Variants in SLC1A3 observed in about 807,000 individuals in gnomAD.
The protein encoded by SLC1A3 is excitatory amino acid transporter 1.
Under a neutral mutation model 48.1 loss-of-function variants are expected in SLC1A3, and 21 were observed. The observed-to-expected ratio is 0.44, with a 90% CI of 0.31 to 0.63. The LOEUF (loss-of-function observed/expected upper bound fraction) is 0.63, where lower values mean the gene tolerates loss of function less well. SLC1A3 is among the 20% of genes least tolerant of loss of function. The pLI is 0.08. For missense variants in SLC1A3, 546 were observed against 689.0 expected (o/e 0.79, Z 2.32); for synonymous variants, 239 against 251.4 (o/e 0.95, Z 0.47).
intron 2 of SLC1A3, chr5:36,609,214 T>C: frequency 1.0e-6 from 1 of 973,952 alleles, no homozygotes; most frequent in Non-Finnish European, 1.2e-6. Context: ...TTTTGAATCA[T>C]TTCCATCTCT....
intron 3 of SLC1A3, among the ~76,000 whole-genome samples, chr5:36,665,617 C>G (rs540622760): frequency 1.3e-5 from 2 of 152,192 alleles, no homozygotes; most frequent in Non-Finnish European, 2.9e-5. Context: ...ATGCTTACCA[C>G]GTGCTGAACA....
At chr5:36,648,276 C>A (rs1740915239) in intron 3 of SLC1A3, among the ~76,000 whole-genome samples, 1 of 152,170 alleles carries the variant, frequency 6.6e-6, no homozygotes, top group African/African-American at 2.4e-5. Context: ...GGGCAACAAA[C>A]TTAAGTTTCA....
At chr5:36,661,276 G>C (rs1300565517) in intron 3 of SLC1A3, among the ~76,000 whole-genome samples, 1 of 152,190 alleles carries the variant, frequency 6.6e-6, no homozygotes, top group Non-Finnish European at 1.5e-5. Context: ...GCCAAGCGTG[G>C]TGGTGGGCAC....
chr5:36,679,666 G>C lies in SLC1A3; in HGVS notation c.900G>C (p.Lys300Asn), dbSNP rs1297834327. The stretch of plus-strand genomic sequence containing the variant: ...GTATTCTCTTCCTGATTGCTGGGAA[G>C]ATTGTGGAGATGGAAGACATGGGTG... ...PVGILFLIAG[K>N]IVEMEDMGVI... The change falls in exon 7 of 10, where the codon AAG becomes AAC. Residue 300 changes from lysine to asparagine, a missense_variant. Physicochemically the swap from Lys to Asn is moderately conservative, Grantham distance 94. This residue lies in a region of SLC1A3 where 348 missense variants were observed against 392.0 expected (regional missense o/e 0.89). Transcript: ENST00000265113. The C allele has an allele frequency of 6.2e-7, 1 of 1,614,194 alleles. No individual in the cohort carries two copies. Among genetic ancestry groups the C allele is most frequent in the Non-Finnish European group, 8.5e-7 (1 of 1,180,036 alleles).
At chr5:36,685,944 G>A (rs1742625282) in intron 9 of SLC1A3, 121 bp from the exon 10 acceptor site, 1 of 765,360 alleles carries the variant, frequency 1.3e-6, no homozygotes, top group Non-Finnish European at 2.4e-6. Flanking sequence ...TAATCTTGCA[G>A]TTGGTAGATA....
intron 2 of SLC1A3, among the ~76,000 whole-genome samples, chr5:36,610,551 C>T (rs1334138744): frequency 6.6e-6 from 1 of 152,080 alleles, no homozygotes; most frequent in Non-Finnish European, 1.5e-5. Flanking sequence ...TTCAAGAATA[C>T]AGGAATGGAA....
Position 36,597,458 on chromosome 5 carries a change from G to C in SLC1A3, c.-96+780G>C, listed in dbSNP as rs188291203. Among the ~76,000 whole-genome samples the C allele has an allele frequency of 4.9e-3, 748 of 151,778 alleles. 6 individuals are homozygous for C. Among genetic ancestry groups the C allele is most frequent in the African/African-American group, 0.017 (723 of 41,386 alleles). On this transcript the variant is annotated intron_variant, in intron 1 of 9. Transcript: ENST00000680318. ...GGGGTTTCACCATATTAGCCAGGAC[G>C]GTCTCGATCTCCTGACCTCGTGATC...
chr5:36,601,677 G>T (rs933445306), upstream of SLC1A3, among the ~76,000 whole-genome samples: 1 of 152,138 alleles, frequency 6.6e-6, no homozygotes, highest in Non-Finnish European at 1.5e-5. Flanking sequence ...CTACCTGGGG[G>T]CAAGAAAAGG....
At chr5:36,644,054 T>C (rs1245985280) in intron 3 of SLC1A3, among the ~76,000 whole-genome samples, 1 of 150,208 alleles carries the variant, frequency 6.7e-6, no homozygotes, top group Non-Finnish European at 1.5e-5. Flanking sequence ...AATAAATAAA[T>C]AAATTGCAAT....
At position 36,677,116 on chromosome 5, in the gene SLC1A3, G is replaced by A. The variant is rs139659178; in HGVS notation, c.792G>A (p.Gly264=). Residue 264 remains glycine, a synonymous_variant, in exon 6 of 10, where the codon GGG becomes GGA. Coordinates refer to ENST00000265113, the MANE Select transcript of SLC1A3 (RefSeq NM_004172.5). The part of the protein sequence containing the change: ...GFVIGNMKEQ[G]QALREFFDSL... ...TGATTGGAAACATGAAGGAACAGGGGCAGGCCCTGAGAGAGTTCTTTGATT... is the reference window on the plus strand; with the variant it reads ...TGATTGGAAACATGAAGGAACAGGGACAGGCCCTGAGAGAGTTCTTTGATT... 3.4e-3 allele frequency: 5,498 copies of A among 1,614,120 alleles called. 23 individuals carry two copies. The highest frequency in any genetic ancestry group is 5.3e-3 in the Middle Eastern group (32 of 6,062).
chr5:36,613,330 G>C (rs982005086), intron 2 of SLC1A3: 1 of 154,016 alleles, frequency 6.5e-6, no homozygotes, highest in Non-Finnish European at 1.4e-5. Context: ...AACAGTTTCC[G>C]TAACTCTAGG....
At chr5:36,645,056 C>G (rs982209258) in intron 3 of SLC1A3, among the ~76,000 whole-genome samples, 4 of 152,112 alleles carry the variant, frequency 2.6e-5, no homozygotes, top group Non-Finnish European at 5.9e-5. Context: ...TATGGGGCGG[C>G]GTCATTGCTG....
intron 2 of SLC1A3, among the ~76,000 whole-genome samples, chr5:36,610,489 A>G (rs1402347904): frequency 1.3e-5 from 2 of 152,240 alleles, no homozygotes; most frequent in Non-Finnish European, 2.9e-5. Flanking sequence ...ACCATTCAAA[A>G]TGGTGTTGTA....
upstream of SLC1A3, among the ~76,000 whole-genome samples, chr5:36,604,125 C>A (rs13155110): frequency 0.26 from 39,794 of 152,060 alleles, 6,001 homozygotes; most frequent in Non-Finnish European, 0.35. Flanking sequence ...TAACATACTT[C>A]ATCACACAAT....
At chr5:36,621,692 G>A (rs545493531) in intron 2 of SLC1A3, among the ~76,000 whole-genome samples, 1 of 152,296 alleles carries the variant, frequency 6.6e-6, no homozygotes, top group South Asian at 2.1e-4. Context: ...GGGGAGTTAA[G>A]GGCTAGGACT....
chr5:36,624,413 C>T (rs1739818665), intron 2 of SLC1A3, among the ~76,000 whole-genome samples: 1 of 152,190 alleles, frequency 6.6e-6, no homozygotes, highest in African/African-American at 2.4e-5. Flanking sequence ...CCACCTCAGC[C>T]ACTCCATGGA....
chr5:36,683,787 T>C (rs1390362640), intron 8 of SLC1A3, 77 bp from the exon 9 acceptor site: 1 of 1,503,632 alleles, frequency 6.7e-7, no homozygotes, highest in African/African-American at 1.4e-5. Flanking sequence ...ATCGGCACCG[T>C]GCGTATTTTG....
chr5:36,629,653 G>C lies in SLC1A3; in HGVS notation c.319+66G>C, dbSNP rs1263363968. 5.7e-6 allele frequency: 8 copies of C among 1,395,318 alleles called. No individual in the cohort carries two copies. The East Asian group carries it at 1.6e-4, about 28-fold the overall frequency. 86.4% of individuals were successfully genotyped at this position (1,395,318 alleles called of 1,614,324 possible). ...TGTGTTTATTGCAAAAGATTGCTTA[G>C]AAAAGCCAGTGCTTTAGGTTTCTGC... On this transcript the variant is annotated intron_variant, in intron 3 of 9. Transcript: ENST00000265113.
chr5:36,671,357 T>A, intron 4 of SLC1A3, 124 bp downstream of exon 4: 1 of 730,254 alleles, frequency 1.4e-6, no homozygotes, highest in Non-Finnish European at 2.5e-6. Context: ...GAAATGAAGG[T>A]CATATATCTT....
Sources: allele counts gnomAD v4.1 joint callset (sites outside exome capture counted in the v4.1 genomes callset), GRCh38; gene constraint gnomAD v4.1.1; regional missense constraint gnomAD v4.1.1; transcripts MANE v1.5; gene names NCBI Gene and HGNC (gene_info 2026-07-23, HGNC 2026-07-21).